The following SPAG17 variants were observed in gnomAD, a reference collection of about 807,000 sequenced individuals.
SPAG17 encodes sperm associated antigen 17.
A neutral mutation model predicts 273.6 loss-of-function variants in SPAG17; 169 were observed. That is an observed-to-expected ratio of 0.62 (90% CI 0.55 to 0.70). The LOEUF (loss-of-function observed/expected upper bound fraction) is 0.70, where lower values mean the gene tolerates loss of function less well. Among genes scored for constraint, SPAG17 ranks in the 30% least tolerant of loss-of-function variants. The pLI is 0.00. For missense variants in SPAG17, 2,557 were observed against 2,627.8 expected, an observed-to-expected ratio of 0.97 and a Z score of 0.59; for synonymous variants, 825 against 873.2, an observed-to-expected ratio of 0.94 and a Z score of 0.97.
intron 35 of SPAG17, among the ~76,000 whole-genome samples, chr1:117,993,229 A>G (rs937296638): frequency 6.6e-6 from 1 of 152,154 alleles, no homozygotes; most frequent in Non-Finnish European, 1.5e-5. Context: ...CTGCCCTACT[A>G]TGTTCTCAGG....
intron 19 of SPAG17, 117 bp downstream of exon 19, chr1:118,055,616 G>A: frequency 7.3e-6 from 6 of 823,160 alleles, no homozygotes; most frequent in Non-Finnish European, 1.1e-5. Flanking sequence ...AAGAGTCACA[G>A]GAACTTTTTT....
chr1:118,028,097 C>T (rs1361832469), intron 26 of SPAG17, among the ~76,000 whole-genome samples, 177 bp downstream of exon 26: 1 of 152,162 alleles, frequency 6.6e-6, no homozygotes, highest in East Asian at 1.9e-4. Flanking sequence ...GTATTTTTGA[C>T]ATATATACTA....
chr1:118,143,600 C>G (rs751540534), intron 3 of SPAG17, among the ~76,000 whole-genome samples: 2 of 152,126 alleles, frequency 1.3e-5, no homozygotes, highest in Non-Finnish European at 2.9e-5. Flanking sequence ...AACTACCCAG[C>G]ACACAAGACT....
intron 3 of SPAG17, among the ~76,000 whole-genome samples, chr1:118,120,059 ATG>A (rs1385527522): frequency 6.6e-6 from 1 of 152,152 alleles, no homozygotes; most frequent in Non-Finnish European, 1.5e-5. Context: ...TATGAAGTGC[ATG>A]TGTGTTTTTG....
chr1:118,136,907 A>G lies in SPAG17; in HGVS notation c.315+13636T>C, dbSNP rs371554260. ...CAATGTTCTGTGGATGCTTTTGCAT[A>G]GGGAATTGAAACAAGTTGGCAGGAA... On this transcript the variant is annotated intron_variant, in intron 3 of 48. Coordinates refer to ENST00000336338, the MANE Select transcript of SPAG17 (RefSeq NM_206996.4). 3.4e-4 allele frequency among the ~76,000 whole-genome samples: 52 copies of G among 152,250 alleles called. No homozygotes were observed. In the East Asian group the frequency reaches 8.9e-3, roughly 26 times the overall value.
intron 4 of SPAG17, among the ~76,000 whole-genome samples, chr1:118,106,266 T>G (rs565097233): frequency 6.6e-6 from 1 of 152,344 alleles, no homozygotes; most frequent in South Asian, 2.1e-4. Flanking sequence ...ATTACATTCT[T>G]ACTATAGTCC....
intron 46 of SPAG17, among the ~76,000 whole-genome samples, chr1:117,967,670 C>T (rs561636643): frequency 1.3e-5 from 2 of 152,204 alleles, no homozygotes; most frequent in East Asian, 3.9e-4. Context: ...AGTTTGAAAA[C>T]CCGTGGAAGA....
chr1:118,116,609 C>T (rs1285124290), intron 3 of SPAG17, among the ~76,000 whole-genome samples: 2 of 152,062 alleles, frequency 1.3e-5, no homozygotes, highest in African/African-American at 4.8e-5. Flanking sequence ...GGGAAATAGC[C>T]GGAAGAAAGG....
At chr1:118,138,613 T>C (rs933199713) in intron 3 of SPAG17, among the ~76,000 whole-genome samples, 2 of 152,120 alleles carry the variant, frequency 1.3e-5, no homozygotes, top group Non-Finnish European at 2.9e-5. Context: ...GCCACCCACA[T>C]ATACAAACCA....
chr1:118,066,809 T>A lies in SPAG17; in HGVS notation c.2476A>T (p.Met826Leu). Residue 826 changes from methionine (M) to leucine (L), a missense_variant, in exon 18 of 49, where the codon ATG becomes TTG. Transcript: ENST00000336338. ...NSLLLVFHNP[M>L]NRQRLHCEYW... ...TCACAATGCAAACGTTGTCTATTCATTGGATTGTGAAAGACTAAAAGTAAA... is the reference window on the plus strand; with the variant it reads ...TCACAATGCAAACGTTGTCTATTCAATGGATTGTGAAAGACTAAAAGTAAA... 1 of 1,613,876 alleles carries A rather than the reference T, an allele frequency of 6.2e-7. No individual in the cohort carries two copies. Among genetic ancestry groups the A allele is most frequent in the Non-Finnish European group, 8.5e-7 (1 of 1,179,840 alleles).
intron 48 of SPAG17, chr1:117,959,250 A>G: frequency 4.4e-6 from 7 of 1,591,374 alleles, no homozygotes; most frequent in Non-Finnish European, 5.1e-6. Flanking sequence ...AATGAATTGA[A>G]GTGGGAGAAA....
chr1:118,144,622 A>G (rs1004475312), intron 3 of SPAG17, among the ~76,000 whole-genome samples: 2 of 152,118 alleles, frequency 1.3e-5, no homozygotes, highest in South Asian at 4.1e-4. Flanking sequence ...ATCAGGGGTT[A>G]TTTCTGCTAT....
intron 1 of SPAG17, among the ~76,000 whole-genome samples, chr1:118,175,380 TA>T (rs1327173364): frequency 3.9e-5 from 6 of 151,956 alleles, no homozygotes; most frequent in African/African-American, 1.5e-4. Context: ...TTCATTGCAT[TA>T]GGCAACACAA....
intron 31 of SPAG17, among the ~76,000 whole-genome samples, 158 bp from the exon 32 acceptor site, chr1:118,005,760 A>G (rs1213992509): frequency 1.3e-5 from 2 of 152,194 alleles, no homozygotes; most frequent in African/African-American, 4.8e-5. Flanking sequence ...AAGGTTTGGA[A>G]AGGGCTACTC....
At chr1:117,988,780 C>T (rs961599495) in intron 38 of SPAG17, among the ~76,000 whole-genome samples, 2 of 151,146 alleles carry the variant, frequency 1.3e-5, no homozygotes, top group African/African-American at 4.8e-5. Flanking sequence ...AATTAATTAA[C>T]GTCATTGTGA....
chr1:118,036,647 G>T, intron 24 of SPAG17, 123 bp downstream of exon 24: 1 of 667,768 alleles, frequency 1.5e-6, no homozygotes. Flanking sequence ...CCATCCTGCA[G>T]GAAAAACAAT....
intron 48 of SPAG17, chr1:117,960,852 A>G (rs1416075007): frequency 1.3e-5 from 2 of 152,230 alleles, no homozygotes; most frequent in South Asian, 2.1e-4. Context: ...CGTGTATTTT[A>G]TGGCAGTAAA....
intron 13 of SPAG17, among the ~76,000 whole-genome samples, chr1:118,083,041 A>G (rs1214199522): frequency 2.0e-5 from 3 of 152,046 alleles, no homozygotes; most frequent in African/African-American, 7.2e-5. Flanking sequence ...AGACAGGTTC[A>G]CCCAGGCTGG....
chr1:117,973,526 G>A lies in SPAG17; in HGVS notation c.6040C>T (p.Gln2014Ter). Reference sequence around the variant, plus strand: ...CCCGCAACATCCTGCAGCAAGGACTGGGTTGGAATTTTCACGGGCTCATAA... The same window carrying A: ...CCCGCAACATCCTGCAGCAAGGACTAGGTTGGAATTTTCACGGGCTCATAA... ...ESYEPVKIPTQSLLQDVAGQT... is the reference protein window; with the variant it reads ...ESYEPVKIPT Residue 2014 changes from glutamine to a stop codon, truncating the protein, a stop_gained, in exon 44 of 49, where the codon CAG becomes TAG. Transcript: ENST00000336338. LOFTEE classifies it high-confidence loss of function. 6.2e-7 allele frequency: 1 copy of A among 1,613,930 alleles called. No homozygotes were observed. Among genetic ancestry groups the A allele is most frequent in the Non-Finnish European group, 8.5e-7 (1 of 1,179,892 alleles).
Sources: gnomAD v4.1 joint callset for allele counts (sites outside exome capture counted in the v4.1 genomes callset) on GRCh38, gnomAD v4.1.1 for gene constraint, MANE v1.5 for transcripts, NCBI Gene and HGNC (gene_info 2026-07-23, HGNC 2026-07-21) for gene names.